Variants in CACNG2 observed in about 807,000 individuals in gnomAD.
CACNG2 encodes the protein calcium voltage-gated channel auxiliary subunit gamma 2.
A neutral mutation model predicts 25.9 loss-of-function variants in CACNG2; 3 were observed. The ratio of observed to expected loss-of-function variants is 0.12; its 90% CI spans 0.05 to 0.30. The LOEUF is 0.30. CACNG2 is among the 10% of genes least tolerant of loss of function. The probability of loss-of-function intolerance (pLI) is 1.00; values close to 1 mark genes in which losing one functional copy is unlikely to be tolerated. For synonymous variants in CACNG2, 167 were observed against 173.3 expected (o/e 0.96, Z 0.29); for missense variants, 341 against 432.5 (o/e 0.79, Z 1.88).
At chr22:36,597,205 G>A (rs1935691333) in intron 1 of CACNG2, among the ~76,000 whole-genome samples, 1 of 152,188 alleles carries the variant, frequency 6.6e-6, no homozygotes, top group Admixed American at 6.5e-5. Context: ...TGTATTTTTA[G>A]TAGAGGTGGG....
At chr22:36,641,719 A>G (rs1936445078) in intron 1 of CACNG2, among the ~76,000 whole-genome samples, 1 of 152,148 alleles carries the variant, frequency 6.6e-6, no homozygotes, top group Admixed American at 6.5e-5. Context: ...CAGAATTTAG[A>G]TGTGGTATTT....
chr22:36,669,723 T>G (rs1479603879), intron 1 of CACNG2, among the ~76,000 whole-genome samples: 1 of 152,016 alleles, frequency 6.6e-6, no homozygotes, highest in Non-Finnish European at 1.5e-5. Flanking sequence ...GTCTCTCTCT[T>G]TCTTTTTGAG....
intron 1 of CACNG2, 78 bp downstream of exon 1, chr22:36,702,288 T>G: frequency 7.6e-6 from 6 of 793,582 alleles, no homozygotes; most frequent in South Asian, 1.6e-5. Flanking sequence ...AGGGGACTTA[T>G]TTGGAGGAGG....
At chr22:36,665,780 C>T (rs753536730) in intron 1 of CACNG2, among the ~76,000 whole-genome samples, 22 of 152,150 alleles carry the variant, frequency 1.4e-4, no homozygotes, top group Admixed American at 2.6e-4. Context: ...GAAATTAGAA[C>T]CCTTGTGCAC....
chr22:36,688,539 C>CCAA (rs773454341), intron 1 of CACNG2, among the ~76,000 whole-genome samples: 1 of 70,144 alleles, frequency 1.4e-5, no homozygotes, highest in Non-Finnish European at 3.0e-5. Context: ...GACCCTGTCT[C>CCAA]AAAAAAAAAA....
intron 1 of CACNG2, among the ~76,000 whole-genome samples, chr22:36,641,345 T>C (rs1188778089): frequency 1.3e-5 from 2 of 152,102 alleles, no homozygotes; most frequent in African/African-American, 4.8e-5. Flanking sequence ...CCAATAGATG[T>C]TTCTTGCACA....
chr22:36,637,165 C>A (rs115247767), intron 1 of CACNG2, among the ~76,000 whole-genome samples: 1 of 152,228 alleles, frequency 6.6e-6, no homozygotes, highest in Admixed American at 6.5e-5. Flanking sequence ...CTTAAGACTG[C>A]ATTTACTTAG....
Sources: gnomAD v4.1 joint callset for allele counts (sites outside exome capture counted in the v4.1 genomes callset) on GRCh38, gnomAD v4.1.1 for gene constraint, MANE v1.5 for transcripts, NCBI Gene and HGNC (gene_info 2026-07-23, HGNC 2026-07-21) for gene names.